KEL: variants seen among roughly 807,000 people sequenced by gnomAD.
KEL encodes the protein kell blood group glycoprotein.
KEL carries 96 observed loss-of-function variants against 99.5 expected under a neutral mutation model. The ratio of observed to expected loss-of-function variants is 0.97; its 90% CI spans 0.82 to 1.14. KEL has a LOEUF of 1.14. Among genes scored for constraint, KEL ranks in the 50% most tolerant of loss-of-function variants. The probability of loss-of-function intolerance (pLI) is 0.00; values close to 1 mark genes in which losing one functional copy is unlikely to be tolerated. For synonymous variants in KEL, 355 were observed against 354.8 expected (o/e 1.00, Z -0.01); for missense variants, 926 against 924.2 (o/e 1.00, Z -0.03).
At chr7:142,960,874 T>G in intron 4 of KEL, 54 bp downstream of exon 4, 1 of 1,550,220 alleles carries the variant, frequency 6.5e-7, no homozygotes, top group Non-Finnish European at 8.9e-7. Flanking sequence ...CATGGTCATT[T>G]TAGGCACAGA....
chr7:142,942,291 A>AG, intron 18 of KEL, 143 bp downstream of exon 18: 1 of 668,276 alleles, frequency 1.5e-6, no homozygotes, highest in Non-Finnish European at 2.7e-6. Flanking sequence ...GGGAGGGAAG[A>AG]GAAAAGATAA....
chr7:142,961,504 G>A lies in KEL; in HGVS notation c.82-3C>T. On this transcript the variant is annotated splice_polypyrimidine_tract_variant and splice_region_variant and intron_variant, in intron 2 of 18. Transcript: ENST00000355265. The stretch of plus-strand genomic sequence containing the variant: ...GGCAGCCTCTCTTCTGGAGTGCTCT[G>A]TGGGAGGAACCAAGAGGTGAAAGAT... 3 of 1,590,956 alleles carry A rather than the reference G, an allele frequency of 1.9e-6. No homozygotes were observed. The highest frequency in any genetic ancestry group is 8.6e-7 in the Non-Finnish European group (1 of 1,168,128).
chr7:142,958,174 A>G (rs1796873845), intron 5 of KEL, 130 bp downstream of exon 5: 2 of 1,404,834 alleles, frequency 1.4e-6, no homozygotes, highest in African/African-American at 2.9e-5. Context: ...TTCCATCTCC[A>G]TCTCCCTCCT....
intron 10 of KEL, among the ~76,000 whole-genome samples, chr7:142,951,446 T>C (rs544501085): frequency 1.3e-5 from 2 of 152,170 alleles, no homozygotes; most frequent in African/African-American, 4.8e-5. Flanking sequence ...ACTGCTTTTT[T>C]AGCACAATGA....
At chr7:142,957,405 G>A (rs555974459) in intron 6 of KEL, among the ~76,000 whole-genome samples, 59 of 152,054 alleles carry the variant, frequency 3.9e-4, no homozygotes, top group Non-Finnish European at 1.0e-4. Context: ...TAAAGATTAG[G>A]GACTAGATTC....
At chr7:142,953,311 C>G (rs1161440425) in intron 9 of KEL, 2 of 969,270 alleles carry the variant, frequency 2.1e-6, no homozygotes, top group African/African-American at 3.5e-5. Flanking sequence ...CATAAGAGCT[C>G]CAGCATCTTC....
intron 4 of KEL, among the ~76,000 whole-genome samples, chr7:142,959,862 GC>G (rs1376273008): frequency 6.6e-6 from 1 of 151,858 alleles, no homozygotes; most frequent in African/African-American, 2.4e-5. Flanking sequence ...CCAAAGAGAG[GC>G]CCCCTCCCAC....
At chr7:142,943,251 C>T (rs1331142185) in intron 16 of KEL, 25 bp downstream of exon 16, 8 of 1,612,156 alleles carry the variant, frequency 5.0e-6, no homozygotes, top group Non-Finnish European at 6.8e-6. Flanking sequence ...TATTATCCCA[C>T]CTCCCAGTGG....
intron 6 of KEL, among the ~76,000 whole-genome samples, 167 bp from the exon 7 acceptor site, chr7:142,954,694 G>A (rs1373409028): frequency 1.3e-5 from 2 of 152,114 alleles, no homozygotes; most frequent in African/African-American, 4.8e-5. Flanking sequence ...GGGTTGAGGG[G>A]CATGAGAAGA....
Position 142,942,799 on chromosome 7 carries a change from T to C in KEL, c.1941+76A>G, listed in dbSNP as rs544863534. The stretch of plus-strand genomic sequence containing the variant: ...CATGCAACTGTACTTGTGTCAGGAA[T>C]GGTGGAAGGAAAACTTGAGGACATG... On this transcript the variant is annotated intron_variant, in intron 17 of 18. Coordinates refer to ENST00000355265, the MANE Select transcript of KEL (RefSeq NM_000420.3). 229 of 1,550,610 alleles carry C rather than the reference T, an allele frequency of 1.5e-4. 1 individual carries two copies. The South Asian group carries it at 2.4e-3, about 17-fold the overall frequency.
intron 18 of KEL, 56 bp from the exon 19 acceptor site, chr7:142,941,469 G>T: frequency 6.7e-7 from 1 of 1,481,802 alleles, no homozygotes; most frequent in Non-Finnish European, 9.1e-7. Flanking sequence ...AAGCTGACCC[G>T]GTGACAAGGG....
At chr7:142,954,642 G>T in intron 6 of KEL, 115 bp from the exon 7 acceptor site, 1 of 896,062 alleles carries the variant, frequency 1.1e-6, no homozygotes, top group Non-Finnish European at 1.9e-6. Context: ...CACAAAGATT[G>T]GACAGAAGAG....
rs557358978 is a variant in KEL at position 142,954,231 on chromosome 7, G to C, written c.877C>G (p.Arg293Gly). Residue 293 changes from arginine to glycine, a missense_variant, in exon 8 of 19, where the codon CGG becomes GGG. Physicochemically the swap from Arg to Gly is moderately radical, Grantham distance 125. Coordinates refer to ENST00000355265, the MANE Select transcript of KEL (RefSeq NM_000420.3). ...FQFLRPLEQRRAQGKLFQMVT... is the reference protein window; with the variant it reads ...FQFLRPLEQRGAQGKLFQMVT... ...ATCTGGAAGAGCTTGCCCTGTGCCCGCCGCTGCTCCAGGGGCCTCAGAAAC... is the reference window on the plus strand; with the variant it reads ...ATCTGGAAGAGCTTGCCCTGTGCCCCCCGCTGCTCCAGGGGCCTCAGAAAC... 6.2e-6 allele frequency: 10 copies of C among 1,613,410 alleles called. No homozygotes were observed. The highest frequency in any genetic ancestry group is 8.5e-6 in the Non-Finnish European group (10 of 1,180,014).
At chr7:142,952,475 G>C (rs1796710723) in intron 10 of KEL, 34 bp downstream of exon 10, 1 of 1,612,422 alleles carries the variant, frequency 6.2e-7, no homozygotes, top group African/African-American at 1.3e-5. Context: ...CTCCTTTCGA[G>C]TATCTGGGCA....
At chr7:142,944,583 T>C (rs1274869787) in intron 12 of KEL, 60 bp downstream of exon 12, 2 of 1,439,200 alleles carry the variant, frequency 1.4e-6, no homozygotes, top group Admixed American at 1.7e-5. Flanking sequence ...CCCATCTCGC[T>C]TGTTCCAATA....
Position 142,942,946 on chromosome 7 carries a change from T to C in KEL, c.1870A>G (p.Thr624Ala). The change falls in exon 17 of 19, where the codon ACC becomes GCC. Residue 624 changes from threonine (T) to alanine (A), a missense_variant. Transcript: ENST00000355265. The stretch of plus-strand genomic sequence containing the variant: ...AATGTGAGGGAGTCATTGAAGGAGG[T>C]TCTGCTAGGTAATGGAAAGGCAGCA... ...HYAAFPLPSR[T>A]SFNDSLTFLE... 1 of 1,614,012 alleles carries C rather than the reference T, an allele frequency of 6.2e-7. No individual in the cohort carries two copies. The highest frequency in any genetic ancestry group is 8.5e-7 in the Non-Finnish European group (1 of 1,179,982).
chr7:142,961,909 T>G (rs1796969063), intron 1 of KEL, 37 bp from the exon 2 acceptor site: 1 of 1,610,078 alleles, frequency 6.2e-7, no homozygotes, highest in African/African-American at 1.3e-5. Context: ...AGAGAGAAGC[T>G]GGTTCAGGAA....
intron 11 of KEL, 156 bp downstream of exon 11, chr7:142,946,051 G>A (rs1796515102): frequency 7.7e-6 from 5 of 650,726 alleles, no homozygotes; most frequent in Non-Finnish European, 1.4e-5. Flanking sequence ...CAGGGATGGA[G>A]CAGGCCTTTG....
intron 11 of KEL, 42 bp from the exon 12 acceptor site, chr7:142,944,783 G>C: frequency 6.7e-7 from 1 of 1,498,352 alleles, no homozygotes; most frequent in Non-Finnish European, 9.3e-7. Context: ...AGGATCAGGA[G>C]AGGCCTCAGC....
Sources: gnomAD v4.1 joint callset for allele counts (sites outside exome capture counted in the v4.1 genomes callset) on GRCh38, gnomAD v4.1.1 for gene constraint, MANE v1.5 for transcripts, NCBI Gene and HGNC (gene_info 2026-07-23, HGNC 2026-07-21) for gene names.